SPEN: variants seen among roughly 807,000 people sequenced by gnomAD.
SPEN encodes spen family transcriptional repressor, also known as msx2-interacting protein.
SPEN carries 18 observed loss-of-function variants against 269.9 expected under a neutral mutation model. That is an observed-to-expected ratio of 0.07 (90% CI 0.05 to 0.10). The LOEUF is 0.10. SPEN is among the 10% of genes least tolerant of loss of function. The pLI, the probability that SPEN is intolerant of heterozygous loss-of-function variation, is 1.00. For missense variants in SPEN, 3,822 were observed against 4,631.2 expected (o/e 0.83, Z 5.07); for synonymous variants, 1,726 against 1,765.7 (o/e 0.98, Z 0.56).
intron 3 of SPEN, among the ~76,000 whole-genome samples, chr1:15,893,928 A>G (rs1439419480): frequency 6.6e-6 from 1 of 152,132 alleles, no homozygotes; most frequent in Admixed American, 6.5e-5. Flanking sequence ...AATCCTAGCT[A>G]CTTGTGGCTG....
chr1:15,898,397 C>T (rs1056411454), intron 3 of SPEN, among the ~76,000 whole-genome samples: 1 of 151,984 alleles, frequency 6.6e-6, no homozygotes, highest in African/African-American at 2.4e-5. Context: ...TGGCAACCAC[C>T]ATTCTACTTT....
chr1:15,864,105 A>G (rs181946859), intron 1 of SPEN, among the ~76,000 whole-genome samples: 3 of 152,280 alleles, frequency 2.0e-5, no homozygotes, highest in Admixed American at 6.5e-5. Flanking sequence ...TATGATATAC[A>G]TATATGAGGT....
intron 3 of SPEN, among the ~76,000 whole-genome samples, chr1:15,889,811 T>C (rs1437394255): frequency 2.0e-5 from 3 of 152,272 alleles, no homozygotes; most frequent in East Asian, 1.9e-4. Flanking sequence ...TCTCCCGGGT[T>C]CAAGTGATTC....
chr1:15,852,420 A>G (rs2070345058), intron 1 of SPEN, among the ~76,000 whole-genome samples: 1 of 152,242 alleles, frequency 6.6e-6, no homozygotes, highest in African/African-American at 2.4e-5. Flanking sequence ...AACATTAAAA[A>G]TTACACAGAA....
At chr1:15,894,665 A>G (rs2070823270) in intron 3 of SPEN, among the ~76,000 whole-genome samples, 2 of 146,292 alleles carry the variant, frequency 1.4e-5, no homozygotes, top group Admixed American at 1.4e-4. Context: ...CTCAGCCTCC[A>G]GAATAGCTGG....
intron 1 of SPEN, among the ~76,000 whole-genome samples, chr1:15,853,519 A>T (rs777469589): frequency 4.0e-5 from 6 of 151,134 alleles, no homozygotes; most frequent in African/African-American, 7.3e-5. Context: ...TTTGAGGTAG[A>T]GTCTTGCTCT....
intron 1 of SPEN, among the ~76,000 whole-genome samples, chr1:15,864,948 G>A (rs1293950221): frequency 3.3e-5 from 5 of 152,100 alleles, no homozygotes; most frequent in Admixed American, 1.3e-4. Context: ...TCGTCCTCGC[G>A]CCTTGGCTTC....
intron 5 of SPEN, among the ~76,000 whole-genome samples, chr1:15,915,692 A>G (rs1429935018): frequency 3.3e-5 from 5 of 151,808 alleles, no homozygotes; most frequent in Non-Finnish European, 7.4e-5. Context: ...GCGCCACCAT[A>G]CTTGGCTAAT....
intron 10 of SPEN, among the ~76,000 whole-genome samples, chr1:15,924,262 T>C (rs1412353397): frequency 6.6e-6 from 1 of 152,192 alleles, no homozygotes; most frequent in Non-Finnish European, 1.5e-5. Context: ...TTGAAGTCAT[T>C]GTTAATACAG....
chr1:15,908,152 T>C (rs2070977819), intron 3 of SPEN, among the ~76,000 whole-genome samples: 1 of 151,858 alleles, frequency 6.6e-6, no homozygotes, highest in African/African-American at 2.4e-5. Context: ...TCCTAAAAAT[T>C]ACCCATGAGG....
In SPEN at chr1:15,934,944, G is replaced by C. The variant is rs1473829338; in HGVS notation, c.8704G>C (p.Val2902Leu). Residue 2902 changes from valine (V) to leucine (L), a missense_variant, in exon 11 of 15, where the codon GTG (valine) becomes CTG (leucine). Val to Leu is a conservative substitution (Grantham distance 32). Around this residue, in one of 16 missense-constraint regions of SPEN, gnomAD observed 329 missense variants for 431.2 expected, o/e 0.76. Coordinates refer to ENST00000375759, the MANE Select transcript of SPEN (RefSeq NM_015001.3). The surrounding 1 kb of genome is among the most constrained non-coding windows in gnomAD (Gnocchi z 9.2). ...TAATGCCTCTCCTGTGATTTCGTCT[G>C]TGAAGGCCGATAGGCCATCCTTGGA... ...TYNASPVISS[V>L]KADRPSLEKP... is the part of the protein sequence containing the mutation. 4 of 1,613,982 alleles carry C rather than the reference G, an allele frequency of 2.5e-6. No individual in the cohort carries two copies. Among genetic ancestry groups the C allele is most frequent in the Non-Finnish European group, 3.4e-6 (4 of 1,180,002 alleles).
intron 6 of SPEN, among the ~76,000 whole-genome samples, chr1:15,917,197 G>T (rs1446339704): frequency 2.0e-5 from 3 of 152,170 alleles, no homozygotes; most frequent in Non-Finnish European, 2.9e-5. Context: ...ATACCTTGGG[G>T]ATTACTAGAA....
At chr1:15,860,019 C>T (rs1333780324) in intron 1 of SPEN, among the ~76,000 whole-genome samples, 5 of 145,372 alleles carry the variant, frequency 3.4e-5, no homozygotes, top group South Asian at 2.2e-4. Flanking sequence ...TCATGCCATT[C>T]GCCTGCCTCA....
At chr1:15,886,574 G>T (rs1346036234) in intron 3 of SPEN, among the ~76,000 whole-genome samples, 3 of 152,176 alleles carry the variant, frequency 2.0e-5, no homozygotes, top group African/African-American at 4.8e-5. Context: ...GAGGATTTCA[G>T]ATCTAGCCAG....
intron 3 of SPEN, among the ~76,000 whole-genome samples, chr1:15,886,976 ATGAT>A (rs976985955): frequency 6.6e-6 from 1 of 151,970 alleles, no homozygotes; most frequent in African/African-American, 2.4e-5. Context: ...TTTACTCTGG[ATGAT>A]TGATTGGTTG....
rs2071230267 is a variant in SPEN, at chr1:15,932,332, A to T, written c.6092A>T (p.Lys2031Met). 32 of 1,613,250 alleles carry T rather than the reference A, an allele frequency of 2.0e-5. No homozygotes were observed. Among genetic ancestry groups the T allele is most frequent in the Non-Finnish European group, 2.5e-5 (30 of 1,179,802 alleles). ...IGVKESSMEP[K>M]AAEEEAGSEQ... Reference sequence around the variant, plus strand: ...GTGAAAGAGAGCTCCATGGAACCCAAGGCTGCTGAGGAGGAGGCAGGGAGT... The same window carrying T: ...GTGAAAGAGAGCTCCATGGAACCCATGGCTGCTGAGGAGGAGGCAGGGAGT... The change falls in exon 11 of 15, where the codon AAG (lysine) becomes ATG (methionine). Residue 2031 changes from lysine (K) to methionine (M), a missense_variant. Physicochemically the swap from Lys to Met is moderately conservative, Grantham distance 95. Coordinates refer to ENST00000375759, the MANE Select transcript of SPEN (RefSeq NM_015001.3). This position sits in a 1 kb window ranked among gnomAD's most constrained non-coding sequence, Gnocchi z 4.2.
At chr1:15,853,087 A>AG (rs1246997290) in intron 1 of SPEN, among the ~76,000 whole-genome samples, 2 of 152,166 alleles carry the variant, frequency 1.3e-5, no homozygotes, top group African/African-American at 2.4e-5. Flanking sequence ...CCTGGGCTCA[A>AG]GTGATCCTCC....
intron 2 of SPEN, chr1:15,874,511 AT>A: frequency 1.4e-6 from 1 of 734,018 alleles, no homozygotes; most frequent in Non-Finnish European, 1.9e-6. Flanking sequence ...GAGAATAGCC[AT>A]TAGATTTCAG....
In SPEN at chr1:15,872,832, A is replaced by G. The variant is rs2070595255; in HGVS notation, c.100A>G (p.Ser34Gly). 1.3e-6 allele frequency: 2 copies of G among 1,495,814 alleles called. No individual in the cohort carries two copies. The highest frequency in any genetic ancestry group is 2.2e-5 in the Admixed American group (1 of 46,474). 92.7% of individuals were successfully genotyped at this position (1,495,814 alleles called of 1,614,324 possible). A position where few individuals can be genotyped will look rare whatever the true frequency, so the allele number is the denominator to read the frequency against. The change falls in exon 2 of 15, where the codon AGT (serine) becomes GGT (glycine). Residue 34 changes from serine (S) to glycine (G), a missense_variant. Transcript: ENST00000375759. ...EHFKRYGRVE[S>G]VKILPKRGSE... Reference sequence around the variant, plus strand: ...TTTTTCCAGATATGGCCGCGTGGAAAGTGTCAAAATTCTTCCCAAGAGGGG... The same window carrying G: ...TTTTTCCAGATATGGCCGCGTGGAAGGTGTCAAAATTCTTCCCAAGAGGGG...
Sources: gnomAD v4.1 joint callset for allele counts (sites outside exome capture counted in the v4.1 genomes callset) on GRCh38, gnomAD v4.1.1 for gene constraint, gnomAD v4.1.1 regional missense constraint, Gnocchi (gnomAD v3.1) non-coding constraint, MANE v1.5 for transcripts, NCBI Gene and HGNC (gene_info 2026-07-23, HGNC 2026-07-21) for gene names.